The following PITPNM3 variants were observed in gnomAD, a reference collection of about 807,000 sequenced individuals.
PITPNM3 encodes PITPNM family member 3.
In PITPNM3, 26 loss-of-function variants were observed where a neutral mutation model predicts 102.0. The observed-to-expected ratio is 0.25, with a 90% CI of 0.19 to 0.35. PITPNM3 has a LOEUF of 0.35. Ranked by LOEUF, PITPNM3 falls within the 10% of genes least tolerant of loss-of-function variation. PITPNM3 has a pLI of 1.00. For missense variants in PITPNM3, 1,083 were observed against 1,346.1 expected (o/e 0.80, Z 3.06); for synonymous variants, 578 against 558.6 (o/e 1.03, Z -0.49).
At chr17:6,474,049 C>G (rs7224893) in intron 10 of PITPNM3, among the ~76,000 whole-genome samples, 2 of 149,648 alleles carry the variant, frequency 1.3e-5, no homozygotes, top group African/African-American at 4.9e-5. Flanking sequence ...TGGGGATATG[C>G]GGGGGTGGGT....
chr17:6,502,103 C>A (rs1907217711), intron 4 of PITPNM3, among the ~76,000 whole-genome samples: 1 of 152,252 alleles, frequency 6.6e-6, no homozygotes, highest in African/African-American at 2.4e-5. Context: ...TCACACTTAC[C>A]AGCCCCTGAA....
intron 3 of PITPNM3, among the ~76,000 whole-genome samples, chr17:6,506,054 C>A (rs1478620253): frequency 6.6e-6 from 1 of 152,074 alleles, no homozygotes; most frequent in Non-Finnish European, 1.5e-5. Flanking sequence ...GTCCCATTTA[C>A]AGATAAGAAG....
chr17:6,472,862 T>C lies in PITPNM3; in HGVS notation c.1259-35A>G. 1.2e-6 allele frequency: 2 copies of C among 1,611,402 alleles called. No homozygotes were observed. The highest frequency in any genetic ancestry group is 1.7e-6 in the Non-Finnish European group (2 of 1,178,578). On this transcript the variant is annotated intron_variant, in intron 10 of 19. Coordinates refer to ENST00000262483, the MANE Select transcript of PITPNM3 (RefSeq NM_031220.4). This position sits in a 1 kb window ranked among gnomAD's most constrained non-coding sequence, Gnocchi z 4.1. ...GTGGGAAGACAGAGGGAAGCCACTT[T>C]CTAGTACCTGCTCCCTGGGCCCTAG...
At chr17:6,539,526 G>A (rs566359163) in intron 1 of PITPNM3, among the ~76,000 whole-genome samples, 10 of 151,798 alleles carry the variant, frequency 6.6e-5, no homozygotes, top group South Asian at 4.2e-4. Context: ...ATACAAGATC[G>A]ACATGCAAAA....
chr17:6,555,144 G>A (rs1426000170), intron 1 of PITPNM3, among the ~76,000 whole-genome samples: 1 of 152,212 alleles, frequency 6.6e-6, no homozygotes, highest in Non-Finnish European at 1.5e-5. Flanking sequence ...CCTCAGGAGG[G>A]GAAAAGGGAG....
chr17:6,539,209 CCT>C (rs67701521), intron 1 of PITPNM3, among the ~76,000 whole-genome samples: 18,208 of 152,152 alleles, frequency 0.12, 1,207 homozygotes, highest in African/African-American at 0.17. Context: ...CTTCTGATCC[CCT>C]GTCTCTACCA....
chr17:6,554,981 T>A (rs887939129), intron 1 of PITPNM3, among the ~76,000 whole-genome samples: 1 of 151,908 alleles, frequency 6.6e-6, no homozygotes, highest in Non-Finnish European at 1.5e-5. Flanking sequence ...ACACACACAC[T>A]CACACACACA....
At chr17:6,477,411 G>C (rs1026716810) in intron 8 of PITPNM3, among the ~76,000 whole-genome samples, 198 bp from the exon 9 acceptor site, 1 of 152,184 alleles carries the variant, frequency 6.6e-6, no homozygotes, top group African/African-American at 2.4e-5. Flanking sequence ...CATCCACCGG[G>C]ATTGACATTC....
chr17:6,534,166 C>G (rs1223313439), intron 2 of PITPNM3, among the ~76,000 whole-genome samples: 2 of 152,214 alleles, frequency 1.3e-5, no homozygotes, highest in African/African-American at 2.4e-5. Flanking sequence ...TGTGGCCCCC[C>G]AGATATCCTG....
At chr17:6,551,920 A>G (rs997453646) in intron 1 of PITPNM3, among the ~76,000 whole-genome samples, 66 of 152,198 alleles carry the variant, frequency 4.3e-4, no homozygotes, top group African/African-American at 1.5e-3. Context: ...AGGCTGACTC[A>G]GCAGAGCAAG....
chr17:6,516,383 G>A (rs1270022179), intron 3 of PITPNM3, among the ~76,000 whole-genome samples: 1 of 151,356 alleles, frequency 6.6e-6, no homozygotes, highest in African/African-American at 2.4e-5. Context: ...CTAACATGGC[G>A]AAACCCCGTC....
rs200376064 is a variant in PITPNM3 at position 6,464,323 on chromosome 17, G to A, written c.2008-5C>T. The A allele has an allele frequency of 7.7e-5, 125 of 1,613,188 alleles. No homozygotes were observed. Among genetic ancestry groups the A allele is most frequent in the African/African-American group, 3.2e-4 (24 of 75,014 alleles). On this transcript the variant is annotated splice_polypyrimidine_tract_variant and splice_region_variant and intron_variant, in intron 15 of 19. Coordinates refer to ENST00000262483, the MANE Select transcript of PITPNM3 (RefSeq NM_031220.4). ...TGCCATTACTAGGATGTCCACCTGC[G>A]GCAGTGAAGGGGGTCAGGGACTCCC... is the stretch of plus-strand genomic sequence containing the variant.
At chr17:6,492,971 C>T (rs535015723) in intron 4 of PITPNM3, among the ~76,000 whole-genome samples, 1 of 151,724 alleles carries the variant, frequency 6.6e-6, no homozygotes, top group African/African-American at 2.4e-5. Flanking sequence ...GGTTATTGCC[C>T]AAACTTGTGT....
rs1218038404 is a variant in PITPNM3, at chr17:6,452,362, G to C, written c.*2976C>G. The C allele has an allele frequency of 6.6e-6, 1 of 152,236 alleles. No homozygotes were observed. The highest frequency in any genetic ancestry group is 1.5e-5 in the Non-Finnish European group (1 of 68,052). 9.4% of individuals were successfully genotyped at this position (152,236 alleles called of 1,614,324 possible). A position where few individuals can be genotyped will look rare whatever the true frequency, so the allele number is the denominator to read the frequency against. On this transcript the variant is annotated 3_prime_UTR_variant, in exon 20 of 20. Coordinates refer to ENST00000262483, the MANE Select transcript of PITPNM3 (RefSeq NM_031220.4). ...GGCAGGCAGGCCCTCGGCTACGACAGCCACCGGATCGGGAAGAACAAACAT... is the reference window on the plus strand; with the variant it reads ...GGCAGGCAGGCCCTCGGCTACGACACCCACCGGATCGGGAAGAACAAACAT...
intron 11 of PITPNM3, 127 bp from the exon 12 acceptor site, chr17:6,471,482 C>G: frequency 2.1e-6 from 2 of 969,318 alleles, no homozygotes; most frequent in Non-Finnish European, 3.0e-6. Flanking sequence ...TGCTCACTTG[C>G]CAGCCCAGCA....
chr17:6,490,781 C>T (rs571368893), intron 4 of PITPNM3, among the ~76,000 whole-genome samples: 1 of 151,116 alleles, frequency 6.6e-6, no homozygotes, highest in East Asian at 2.0e-4. Context: ...CCTGGTGAAA[C>T]CCTGTCTACT....
Position 6,468,440 on chromosome 17 carries a change from G to T in PITPNM3, c.1774-99C>A. 8.1e-7 allele frequency: 1 copy of T among 1,239,982 alleles called. No homozygotes were observed. The highest frequency in any genetic ancestry group is 1.2e-6 in the Non-Finnish European group (1 of 846,434). 76.8% of individuals were successfully genotyped at this position (1,239,982 alleles called of 1,614,324 possible). On this transcript the variant is annotated intron_variant, in intron 13 of 19. Coordinates refer to ENST00000262483, the MANE Select transcript of PITPNM3 (RefSeq NM_031220.4). The surrounding 1 kb of genome is among the most constrained non-coding windows in gnomAD (Gnocchi z 5.2). Reference sequence around the variant, plus strand: ...ACCAGCTTGTGGCCAGCTGGGCCCTGCCCCTGCAACCCCCCAACCTCACAG... The same window carrying T: ...ACCAGCTTGTGGCCAGCTGGGCCCTTCCCCTGCAACCCCCCAACCTCACAG...
In PITPNM3 at chr17:6,556,473, G is replaced by A; in HGVS notation, c.-67C>T. ...GCGCTTCCCGGGCCCGGCCCCGACC[G>A]CCTCCGGCCCCGAACGGACTCCGAG... On this transcript the variant is annotated 5_prime_UTR_variant, in exon 1 of 20. Coordinates refer to ENST00000262483, the MANE Select transcript of PITPNM3 (RefSeq NM_031220.4). This position sits in a 1 kb window ranked among gnomAD's most constrained non-coding sequence, Gnocchi z 5.2. 1 of 1,087,424 alleles carries A rather than the reference G, an allele frequency of 9.2e-7. No individual in the cohort carries two copies. The highest frequency in any genetic ancestry group is 1.1e-6 in the Non-Finnish European group (1 of 895,004). The allele number at this position is 1,087,424 out of a possible 1,614,324, so 67.4% of individuals were successfully genotyped here. A position where few individuals can be genotyped will look rare whatever the true frequency, so the allele number is the denominator to read the frequency against.
At chr17:6,527,803 A>G (rs6502960) in intron 2 of PITPNM3, among the ~76,000 whole-genome samples, 115,073 of 152,132 alleles carry the variant, frequency 0.76, 43,739 homozygotes, top group Middle Eastern at 0.82. Flanking sequence ...GACATAAGCT[A>G]AGAGAGCCAG....
Sources: allele counts gnomAD v4.1 joint callset (sites outside exome capture counted in the v4.1 genomes callset), GRCh38; gene constraint gnomAD v4.1.1; non-coding constraint Gnocchi (gnomAD v3.1); transcripts MANE v1.5; gene names NCBI Gene and HGNC (gene_info 2026-07-23, HGNC 2026-07-21).